PCNT: variants seen among roughly 807,000 people sequenced by gnomAD.
The protein encoded by PCNT is kendrin.
A neutral mutation model predicts 380.4 loss-of-function variants in PCNT; 319 were observed. The observed-to-expected ratio is 0.84, with a 90% CI of 0.77 to 0.92. PCNT has a LOEUF of 0.92. Among genes scored for constraint, PCNT ranks in the 40% least tolerant of loss-of-function variants. PCNT has a pLI of 0.00. For synonymous variants in PCNT, 1,845 were observed against 1,735.2 expected (o/e 1.06, Z -1.57); for missense variants, 4,400 against 4,255.3 (o/e 1.03, Z -0.95).
intron 3 of PCNT, among the ~76,000 whole-genome samples, chr21:46,335,127 A>T (rs933414287): frequency 7.2e-5 from 11 of 152,054 alleles, no homozygotes; most frequent in African/African-American, 2.2e-4. Context: ...GCCCTTGTCG[A>T]TTGACTCACC....
chr21:46,391,300 G>T lies in PCNT; in HGVS notation c.4140G>T (p.Ala1380=), dbSNP rs372175239. The T allele has an allele frequency of 6.4e-6, 10 of 1,573,268 alleles. No homozygotes were observed. The South Asian group carries it at 9.3e-5, about 15-fold the overall frequency. Residue 1380 remains alanine, a synonymous_variant, in exon 21 of 47, where the codon GCG becomes GCT. Transcript: ENST00000359568. ...TGCAGCAGGCGGCCCAGGAGCAGGCGGCGCTGAGGGAGGAGTGCACCCGTC... is the reference window on the plus strand; with the variant it reads ...TGCAGCAGGCGGCCCAGGAGCAGGCTGCGCTGAGGGAGGAGTGCACCCGTC... ...RQLQQAAQEQ[A]ALREECTRLW...
chr21:46,333,622 T>C (rs982012883), intron 2 of PCNT, among the ~76,000 whole-genome samples: 17 of 148,318 alleles, frequency 1.1e-4, no homozygotes, highest in African/African-American at 4.0e-4. Context: ...AATTACAGGC[T>C]GGGCACGGTT....
rs1476118491 is a variant in PCNT, at chr21:46,382,190, A to G, written c.3312+350A>G. Among the ~76,000 whole-genome samples the G allele has an allele frequency of 3.0e-5, 4 of 134,640 alleles. 1 individual carries two copies. In the Admixed American group the frequency reaches 3.0e-4, roughly 10 times the overall value. 88.3% of individuals were successfully genotyped at this position (134,640 alleles called of 152,430 possible). On this transcript the variant is annotated intron_variant, in intron 16 of 46. Transcript: ENST00000359568. ...TAGATTCAGTGGCGGAAGCGCATTCATAGTGTAGATTCAGTGGCGGAAGCG... is the reference window on the plus strand; with the variant it reads ...TAGATTCAGTGGCGGAAGCGCATTCGTAGTGTAGATTCAGTGGCGGAAGCG...
chr21:46,359,390 G>C (rs2084603366), intron 13 of PCNT, among the ~76,000 whole-genome samples: 1 of 142,676 alleles, frequency 7.0e-6, no homozygotes, highest in African/African-American at 2.6e-5. Context: ...TGGAAGCTCT[G>C]TTGTTACACG....
chr21:46,356,933 G>GT, intron 12 of PCNT, 41 bp from the exon 13 acceptor site: 5 of 1,580,178 alleles, frequency 3.2e-6, no homozygotes, highest in Non-Finnish European at 4.3e-6. Context: ...ATCGAGGGCC[G>GT]GCACCGGCCT....
Position 46,367,155 on chromosome 21 carries a change from C to T in PCNT, c.3165+16C>T. Reference sequence around the variant, plus strand: ...AGTGCACCAGGTAAGGCGCCAGGGCCCTGCCCCAGCCCAGGGCAGGCCTCT... The same window carrying T: ...AGTGCACCAGGTAAGGCGCCAGGGCTCTGCCCCAGCCCAGGGCAGGCCTCT... On this transcript the variant is annotated intron_variant, in intron 15 of 46. Transcript: ENST00000359568. The T allele has an allele frequency of 6.2e-7, 1 of 1,607,610 alleles. No homozygotes were observed. Among genetic ancestry groups the T allele is most frequent in the Non-Finnish European group, 8.5e-7 (1 of 1,178,300 alleles).
intron 27 of PCNT, among the ~76,000 whole-genome samples, chr21:46,402,775 C>T (rs981091793): frequency 1.3e-5 from 2 of 152,170 alleles, no homozygotes; most frequent in East Asian, 3.9e-4. Context: ...CACCCCAGGG[C>T]TGTGAGAGGC....
At chr21:46,400,076 A>G (rs932821531) in intron 25 of PCNT, among the ~76,000 whole-genome samples, 2 of 152,042 alleles carry the variant, frequency 1.3e-5, no homozygotes, top group African/African-American at 4.8e-5. Context: ...TATTTCATAA[A>G]GTAAACATTT....
chr21:46,436,841 A>G, intron 39 of PCNT, 138 bp from the exon 40 acceptor site: 1 of 717,656 alleles, frequency 1.4e-6, no homozygotes, highest in Non-Finnish European at 2.5e-6. Flanking sequence ...GCTCTGCCTC[A>G]CGGCTGGACG....
rs9306150 is a variant in PCNT at position 46,340,151 on chromosome 21, A to G, written c.639+5383A>G. 1.2e-3 allele frequency among the ~76,000 whole-genome samples: 187 copies of G among 152,296 alleles called. 2 individuals are homozygous for G. Among genetic ancestry groups the G allele is most frequent in the African/African-American group, 4.2e-3 (173 of 41,566 alleles). On this transcript the variant is annotated intron_variant, in intron 3 of 46. Transcript: ENST00000359568. ...ATCTTAGGTGGATGGTGGAAGGCAAAGAGAGAGAACTTGTGCAGAGGAACT... is the reference window on the plus strand; with the variant it reads ...ATCTTAGGTGGATGGTGGAAGGCAAGGAGAGAGAACTTGTGCAGAGGAACT...
intron 3 of PCNT, among the ~76,000 whole-genome samples, chr21:46,336,922 G>A (rs992337058): frequency 6.6e-6 from 1 of 151,874 alleles, no homozygotes; most frequent in African/African-American, 2.4e-5. Context: ...CTCGGATAGT[G>A]AGAAGCCTGG....
At chr21:46,433,055 G>A (rs1601192931) in intron 38 of PCNT, among the ~76,000 whole-genome samples, 1 of 152,308 alleles carries the variant, frequency 6.6e-6, no homozygotes, top group African/African-American at 2.4e-5. Flanking sequence ...AGGCTGGAGT[G>A]CAGTGGCACG....
chr21:46,395,399 T>G (rs1263663189), intron 21 of PCNT, among the ~76,000 whole-genome samples: 3 of 151,854 alleles, frequency 2.0e-5, no homozygotes, highest in Non-Finnish European at 4.4e-5. Context: ...ACTTCGGGAC[T>G]CAGCAGCAGA....
intron 21 of PCNT, among the ~76,000 whole-genome samples, chr21:46,392,869 C>T (rs979855308): frequency 9.8e-5 from 15 of 152,308 alleles, no homozygotes; most frequent in Admixed American, 3.3e-4. Context: ...TTTTTCCCCT[C>T]GTGTATCTTT....
At position 46,326,465 on chromosome 21, in the gene PCNT, C is replaced by T. The variant is rs370135350; in HGVS notation, c.143C>T (p.Ala48Val). 4 of 1,614,072 alleles carry T rather than the reference C, an allele frequency of 2.5e-6. No individual in the cohort carries two copies. Among genetic ancestry groups the T allele is most frequent in the African/African-American group, 2.7e-5 (2 of 74,940 alleles). Residue 48 changes from alanine (A) to valine (V), a missense_variant, in exon 2 of 47, where the codon GCG (alanine) becomes GTG (valine). Coordinates refer to ENST00000359568, the MANE Select transcript of PCNT (RefSeq NM_006031.6). Reference sequence around the variant, plus strand: ...AAGAGGAAGGGCTCGGCTGTCGATGCGTCTGTCCAGGAGGAGAGTCCGGTA... The same window carrying T: ...AAGAGGAAGGGCTCGGCTGTCGATGTGTCTGTCCAGGAGGAGAGTCCGGTA... ...TAKRKGSAVD[A>V]SVQEESPVTK... is the part of the protein sequence containing the mutation.
Position 46,425,241 on chromosome 21 carries a change from G to A in PCNT, c.7180-590G>A, listed in dbSNP as rs914151825. Among the ~76,000 whole-genome samples, 3 of 152,216 alleles carry A rather than the reference G, an allele frequency of 2.0e-5. No homozygotes were observed. The highest frequency in any genetic ancestry group is 1.9e-4 in the East Asian group (1 of 5,188). On this transcript the variant is annotated intron_variant, in intron 32 of 46. Transcript: ENST00000359568. This position sits in a 1 kb window ranked among gnomAD's most constrained non-coding sequence, Gnocchi z 4.2. ...TGTGTGTCCGGACACCAGCTGCTGCGTAATCGGTGGGATAAAGCAGCCGCC... is the reference window on the plus strand; with the variant it reads ...TGTGTGTCCGGACACCAGCTGCTGCATAATCGGTGGGATAAAGCAGCCGCC...
chr21:46,381,590 T>G, intron 15 of PCNT, 104 bp from the exon 16 acceptor site: 1 of 1,045,280 alleles, frequency 9.6e-7, no homozygotes, highest in Non-Finnish European at 1.5e-6. Flanking sequence ...TGGTGCAGAG[T>G]GGGGGCTCCA....
At chr21:46,341,173 G>A (rs904202948) in intron 3 of PCNT, among the ~76,000 whole-genome samples, 4 of 152,130 alleles carry the variant, frequency 2.6e-5, no homozygotes, top group African/African-American at 4.8e-5. Flanking sequence ...ATGAGTCACC[G>A]CGCCTGGCCA....
intron 15 of PCNT, among the ~76,000 whole-genome samples, chr21:46,367,697 C>G (rs1207318607): frequency 6.6e-6 from 1 of 152,116 alleles, no homozygotes; most frequent in African/African-American, 2.4e-5. Context: ...GTGGGAGGGC[C>G]TAGACCTTGG....
Sources: gnomAD v4.1 joint callset for allele counts (sites outside exome capture counted in the v4.1 genomes callset) on GRCh38, gnomAD v4.1.1 for gene constraint, Gnocchi (gnomAD v3.1) non-coding constraint, MANE v1.5 for transcripts, NCBI Gene and HGNC (gene_info 2026-07-23, HGNC 2026-07-21) for gene names.